Variants in MOV10L1 observed in about 807,000 individuals in gnomAD.
The protein encoded by MOV10L1 is RNA helicase Mov10l1.
Under a neutral mutation model 143.8 loss-of-function variants are expected in MOV10L1, and 110 were observed. The observed-to-expected ratio is 0.76, with a 90% CI of 0.66 to 0.90. The LOEUF is 0.90. Ranked by LOEUF, MOV10L1 falls within the 40% of genes least tolerant of loss-of-function variation. MOV10L1 has a pLI of 0.00. For synonymous variants in MOV10L1, 593 were observed against 581.1 expected, an observed-to-expected ratio of 1.02 and a Z score of -0.29; for missense variants, 1,406 against 1,526.8, an observed-to-expected ratio of 0.92 and a Z score of 1.32.
chr22:50,119,678 C>T (rs181353776), intron 9 of MOV10L1, among the ~76,000 whole-genome samples: 2 of 150,114 alleles, frequency 1.3e-5, no homozygotes, highest in Admixed American at 1.3e-4. Flanking sequence ...CATGTGAGCG[C>T]TGACATAACC....
At chr22:50,092,239 T>A in intron 2 of MOV10L1, 54 bp downstream of exon 2, 1 of 1,512,950 alleles carries the variant, frequency 6.6e-7, no homozygotes, top group Non-Finnish European at 9.1e-7. Flanking sequence ...GACTTTGTGT[T>A]GTTTTTCCTT....
At chr22:50,149,593 A>G (rs745554001) in intron 19 of MOV10L1, 22 bp from the exon 20 acceptor site, 1 of 1,611,582 alleles carries the variant, frequency 6.2e-7, no homozygotes, top group South Asian at 1.1e-5. Context: ...AGAAATTACC[A>G]TTTAGAACAT....
intron 3 of MOV10L1, among the ~76,000 whole-genome samples, chr22:50,104,223 T>C (rs533856983): frequency 6.6e-6 from 1 of 152,334 alleles, no homozygotes; most frequent in South Asian, 2.1e-4. Context: ...GCTGCAAATA[T>C]AGATGAAACT....
At chr22:50,156,506 A>G (rs536015048) in intron 22 of MOV10L1, among the ~76,000 whole-genome samples, 2 of 152,348 alleles carry the variant, frequency 1.3e-5, no homozygotes, top group African/African-American at 2.4e-5. Context: ...TTAAAATTCT[A>G]TACCCATGAA....
intron 10 of MOV10L1, among the ~76,000 whole-genome samples, chr22:50,124,096 G>C (rs916832052): frequency 6.6e-6 from 1 of 151,872 alleles, no homozygotes; most frequent in African/African-American, 2.4e-5. Context: ...TGTTTTCCTG[G>C]TTTTCTGTAT....
At chr22:50,146,137 TG>T (rs1157052689) in intron 19 of MOV10L1, among the ~76,000 whole-genome samples, 1 of 129,108 alleles carries the variant, frequency 7.7e-6, no homozygotes, top group Non-Finnish European at 1.7e-5. Context: ...CTGAAAGGGG[TG>T]GTGAGGGGGA....
intron 9 of MOV10L1, among the ~76,000 whole-genome samples, chr22:50,119,276 G>T (rs754206758): frequency 6.6e-6 from 1 of 152,170 alleles, no homozygotes; most frequent in Non-Finnish European, 1.5e-5. Context: ...CCTGACCCGG[G>T]TTGGCTCGAG....
chr22:50,153,096 C>G lies in MOV10L1; in HGVS notation c.2944C>G (p.Pro982Ala), dbSNP rs1275655596. The part of the protein sequence containing the change: ...YRSHEALLML[P>A]SRLFYHRELE... ...GTCCCACGAGGCCCTGCTGATGCTG[C>G]CCTCACGGCTGTTCTACCACAGGGA... The change falls in exon 22 of 27, where the codon CCC (proline) becomes GCC (alanine). Residue 982 changes from proline to alanine, a missense_variant. Pro to Ala is a conservative substitution (Grantham distance 27). Around this residue, in one of 3 missense-constraint regions of MOV10L1, gnomAD observed 1,233 missense variants for 1,351.4 expected, o/e 0.91. Coordinates refer to ENST00000262794, the MANE Select transcript of MOV10L1 (RefSeq NM_018995.3). 1 of 1,613,086 alleles carries G rather than the reference C, an allele frequency of 6.2e-7. No homozygotes were observed. Among genetic ancestry groups the G allele is most frequent in the Admixed American group, 1.7e-5 (1 of 60,000 alleles).
intron 15 of MOV10L1, 132 bp downstream of exon 15, chr22:50,134,762 AG>A (rs1409203963): frequency 5.6e-6 from 4 of 719,696 alleles, no homozygotes; most frequent in South Asian, 3.9e-5. Flanking sequence ...CTGTCTACAC[AG>A]GGGGTGGGCG....
intron 2 of MOV10L1, among the ~76,000 whole-genome samples, chr22:50,098,362 G>A (rs950560565): frequency 4.0e-5 from 6 of 150,218 alleles, no homozygotes; most frequent in African/African-American, 1.5e-4. Context: ...CATGAACGCG[G>A]TTGTCTTGCT....
intron 5 of MOV10L1, among the ~76,000 whole-genome samples, chr22:50,113,038 C>T (rs1432906370): frequency 1.3e-5 from 2 of 152,088 alleles, no homozygotes; most frequent in Admixed American, 6.5e-5. Flanking sequence ...AATGGTGCTT[C>T]GGACTGGGAA....
chr22:50,144,519 A>C (rs2063082619), intron 18 of MOV10L1, among the ~76,000 whole-genome samples: 1 of 151,754 alleles, frequency 6.6e-6, no homozygotes, highest in African/African-American at 2.4e-5. Flanking sequence ...CTTTTATTTA[A>C]TCCCCAAACG....
chr22:50,114,346 C>G lies in MOV10L1; in HGVS notation c.885-35C>G. 1.9e-6 allele frequency: 3 copies of G among 1,602,464 alleles called. No homozygotes were observed. In the South Asian group the frequency reaches 3.3e-5, roughly 18 times the overall value. On this transcript the variant is annotated intron_variant, in intron 6 of 26. Coordinates refer to ENST00000262794, the MANE Select transcript of MOV10L1 (RefSeq NM_018995.3). ...AACTGAATATTTTGGTTTTAGAAAT[C>G]CTGGCTGTGTTCATAGTTAATTGTA... is the stretch of plus-strand genomic sequence containing the variant.
chr22:50,107,988 C>T lies in MOV10L1; in HGVS notation c.443-148C>T, dbSNP rs1156383123. The T allele has an allele frequency of 7.4e-5, 51 of 691,034 alleles. 1 individual carries two copies. The East Asian group carries it at 8.7e-4, about 12-fold the overall frequency. The allele number at this position is 691,034 out of a possible 1,614,324, so 42.8% of individuals were successfully genotyped here. Reference sequence around the variant, plus strand: ...TAATAATACTTCAGGGTTTTTTATTCGAAAATATGTTTCTCACAGTAGTAG... The same window carrying T: ...TAATAATACTTCAGGGTTTTTTATTTGAAAATATGTTTCTCACAGTAGTAG... On this transcript the variant is annotated intron_variant, in intron 3 of 26. Coordinates refer to ENST00000262794, the MANE Select transcript of MOV10L1 (RefSeq NM_018995.3).
At chr22:50,140,344 G>A (rs1481555138) in intron 15 of MOV10L1, among the ~76,000 whole-genome samples, 2 of 152,142 alleles carry the variant, frequency 1.3e-5, no homozygotes, top group Non-Finnish European at 2.9e-5. Flanking sequence ...ATGGGTATGT[G>A]CACGTCAGAC....
chr22:50,094,763 G>C (rs1481253779), intron 2 of MOV10L1: 4 of 152,062 alleles, frequency 2.6e-5, no homozygotes, highest in Non-Finnish European at 5.9e-5. Context: ...AAAAATACTT[G>C]AGATGTACTT....
At chr22:50,093,276 G>T (rs182757380) in intron 2 of MOV10L1, 3 of 152,176 alleles carry the variant, frequency 2.0e-5, no homozygotes, top group Admixed American at 2.0e-4. Context: ...TTTTGTTAAA[G>T]CTTATATATT....
At chr22:50,140,775 T>C (rs1314401541) in intron 15 of MOV10L1, among the ~76,000 whole-genome samples, 1 of 151,790 alleles carries the variant, frequency 6.6e-6, no homozygotes, top group Non-Finnish European at 1.5e-5. Context: ...CTAACTGCAG[T>C]GTAGTGTCGC....
At chr22:50,092,929 G>T (rs2062490273) in intron 2 of MOV10L1, 2 of 151,988 alleles carry the variant, frequency 1.3e-5, no homozygotes, top group Admixed American at 6.6e-5. Context: ...TTCTGAGACG[G>T]AGTCTCTGTC....
Sources: allele counts gnomAD v4.1 joint callset (sites outside exome capture counted in the v4.1 genomes callset), GRCh38; gene constraint gnomAD v4.1.1; regional missense constraint gnomAD v4.1.1; transcripts MANE v1.5; gene names NCBI Gene and HGNC (gene_info 2026-07-23, HGNC 2026-07-21).